The following LHFPL3 variants were observed in gnomAD, a reference collection of about 807,000 sequenced individuals.
LHFPL3 encodes LHFPL tetraspan subfamily member 3, also known as LHFPL tetraspan subfamily member 3 protein.
In LHFPL3, 5 loss-of-function variants were observed where a neutral mutation model predicts 19.3. That is an observed-to-expected ratio of 0.26 (90% confidence interval 0.14 to 0.54). LHFPL3 has a LOEUF of 0.54. Ranked by LOEUF, LHFPL3 falls within the 20% of genes least tolerant of loss-of-function variation. The pLI, the probability that LHFPL3 is intolerant of heterozygous loss-of-function variation, is 0.94. For synonymous variants in LHFPL3, 133 were observed against 126.2 expected, an observed-to-expected ratio of 1.05 and a Z score of -0.36; for missense variants, 249 against 307.4, an observed-to-expected ratio of 0.81 and a Z score of 1.42.
chr7:104,518,808 T>C (rs1332543362), intron 1 of LHFPL3, among the ~76,000 whole-genome samples: 1 of 144,850 alleles, frequency 6.9e-6, no homozygotes, highest in African/African-American at 2.8e-5. Flanking sequence ...GATAGATAGA[T>C]AGATAGATAG....
At chr7:104,603,399 C>T (rs1192395952) in intron 1 of LHFPL3, among the ~76,000 whole-genome samples, 4 of 152,014 alleles carry the variant, frequency 2.6e-5, no homozygotes, top group African/African-American at 9.7e-5. Context: ...CAGGGTCTCA[C>T]TGTGTTGCTC....
At chr7:104,768,134 T>C (rs1794490000) in intron 2 of LHFPL3, among the ~76,000 whole-genome samples, 1 of 73,446 alleles carries the variant, frequency 1.4e-5, no homozygotes, top group Non-Finnish European at 2.6e-5. Flanking sequence ...TTGTGATTAT[T>C]CTCGTGAAAA....
intron 1 of LHFPL3, among the ~76,000 whole-genome samples, chr7:104,515,610 T>C (rs1397773909): frequency 6.6e-6 from 1 of 152,190 alleles, no homozygotes; most frequent in Non-Finnish European, 1.5e-5. Context: ...AGTTGATTAA[T>C]AGAATGACTG....
chr7:104,607,901 C>T (rs1584435668), intron 1 of LHFPL3, among the ~76,000 whole-genome samples: 1 of 152,136 alleles, frequency 6.6e-6, no homozygotes, highest in African/African-American at 2.4e-5. Context: ...AAAAAATGCT[C>T]ATCATCACTA....
chr7:104,715,912 A>G (rs1280779343), intron 1 of LHFPL3, among the ~76,000 whole-genome samples: 3 of 152,218 alleles, frequency 2.0e-5, no homozygotes, highest in Non-Finnish European at 4.4e-5. Flanking sequence ...CTCATAAAAT[A>G]AGCCTGGAAG....
At chr7:104,692,737 A>T (rs547981881) in intron 1 of LHFPL3, among the ~76,000 whole-genome samples, 1 of 152,322 alleles carries the variant, frequency 6.6e-6, no homozygotes, top group South Asian at 2.1e-4. Context: ...GATGTATGAA[A>T]ATTCCTGGAT....
intron 2 of LHFPL3, among the ~76,000 whole-genome samples, chr7:104,883,667 G>C (rs958835906): frequency 2.0e-5 from 3 of 152,192 alleles, no homozygotes; most frequent in African/African-American, 7.2e-5. Context: ...CAGAAGCTGA[G>C]GGACGTAGCA....
chr7:104,741,141 T>C (rs1193806991), intron 2 of LHFPL3, among the ~76,000 whole-genome samples: 2 of 152,182 alleles, frequency 1.3e-5, no homozygotes, highest in African/African-American at 4.8e-5. Flanking sequence ...TACAGACTGC[T>C]TTTTCCTTGA....
rs190615223 is a variant in LHFPL3, at chr7:104,828,773, G to T, written c.683-77414G>T. The stretch of plus-strand genomic sequence containing the variant: ...ACAATGGCTGGATGCAGTGGCTCAC[G>T]CCTGTAACCCCAGCACTTTGGGAGG... On this transcript the variant is annotated intron_variant, in intron 2 of 2. Coordinates refer to ENST00000424859, the MANE Select transcript of LHFPL3 (RefSeq NM_199000.3). 1.8e-4 allele frequency among the ~76,000 whole-genome samples: 27 copies of T among 151,992 alleles called. No homozygotes were observed. The East Asian group carries it at 4.6e-3, about 26-fold the overall frequency.
At chr7:104,743,588 C>T (rs1318768590) in intron 2 of LHFPL3, among the ~76,000 whole-genome samples, 16 of 152,184 alleles carry the variant, frequency 1.1e-4, no homozygotes. Flanking sequence ...TCAATAATAT[C>T]TACATAGGCT....
At chr7:104,869,785 T>C (rs573253208) in intron 2 of LHFPL3, among the ~76,000 whole-genome samples, 5 of 152,190 alleles carry the variant, frequency 3.3e-5, no homozygotes, top group Admixed American at 6.5e-5. Flanking sequence ...TAAAGACACA[T>C]GCACACGTAT....
intron 1 of LHFPL3, among the ~76,000 whole-genome samples, chr7:104,571,215 C>T (rs765827121): frequency 6.6e-6 from 1 of 151,760 alleles, no homozygotes; most frequent in Non-Finnish European, 1.5e-5. Flanking sequence ...TACATGATGC[C>T]CTGAAGTATC....
chr7:104,607,183 C>A (rs1237863455), intron 1 of LHFPL3, among the ~76,000 whole-genome samples: 2 of 152,194 alleles, frequency 1.3e-5, no homozygotes, highest in Admixed American at 1.3e-4. Context: ...CTATTATCAT[C>A]CTTGCTTTGA....
chr7:104,786,322 G>T (rs1789912982), intron 2 of LHFPL3, among the ~76,000 whole-genome samples: 2 of 152,146 alleles, frequency 1.3e-5, no homozygotes, highest in South Asian at 4.1e-4. Context: ...TATCAAACTA[G>T]CATAATGGTC....
At position 104,381,490 on chromosome 7, in the gene LHFPL3, G is replaced by A. The variant is rs527875740; in HGVS notation, c.445+52266G>A. 1.6e-4 allele frequency among the ~76,000 whole-genome samples: 24 copies of A among 151,702 alleles called. No individual in the cohort carries two copies. In the South Asian group the frequency reaches 2.7e-3, roughly 17 times the overall value. ...CCTTTGCCCCATTTATTGTTTTGCC[G>A]TACATTCTCTTCAGATTCTTTCCTT... On this transcript the variant is annotated intron_variant, in intron 1 of 2. Coordinates refer to ENST00000424859, the MANE Select transcript of LHFPL3 (RefSeq NM_199000.3).
rs1239079565 is a variant in LHFPL3, at chr7:104,736,790, C to T, written c.561C>T (p.Arg187=). 6.2e-7 allele frequency: 1 copy of T among 1,613,628 alleles called. No homozygotes were observed. Among genetic ancestry groups the T allele is most frequent in the Admixed American group, 1.7e-5 (1 of 59,954 alleles). Residue 187 remains arginine, a synonymous_variant, in exon 2 of 3, where the codon CGC becomes CGT. Transcript: ENST00000424859. ...ACACTCTTGGGGCTTGCTCAGTCCG[C>T]TGGGCATACATCCTGGCTATTATTG... is the stretch of plus-strand genomic sequence containing the variant. ...DKYTLGACSV[R]WAYILAIIGI...
intron 1 of LHFPL3, among the ~76,000 whole-genome samples, chr7:104,426,194 A>G (rs1791840440): frequency 6.6e-6 from 1 of 152,096 alleles, no homozygotes; most frequent in Non-Finnish European, 1.5e-5. Context: ...GCTATTTCTT[A>G]GGTTGATAGG....
At chr7:104,374,202 CTA>C (rs1348579260) in intron 1 of LHFPL3, among the ~76,000 whole-genome samples, 25 of 49,376 alleles carry the variant, frequency 5.1e-4, no homozygotes, top group Non-Finnish European at 6.1e-4. Flanking sequence ...ATCTATCTAT[CTA>C]TATATGTGTG....
Position 104,495,174 on chromosome 7 carries a change from G to A in LHFPL3, c.445+165950G>A, listed in dbSNP as rs907399943. On this transcript the variant is annotated intron_variant, in intron 1 of 2. Coordinates refer to ENST00000424859, the MANE Select transcript of LHFPL3 (RefSeq NM_199000.3). The stretch of plus-strand genomic sequence containing the variant: ...CCCCTTCCCCTTCCAACCCCCACTA[G>A]CCAAACAGTCACTACCTTCTTTGGG... Among the ~76,000 whole-genome samples the A allele has an allele frequency of 1.4e-4, 22 of 152,112 alleles. No individual in the cohort carries two copies. The East Asian group carries it at 3.7e-3, about 25-fold the overall frequency.
Sources: allele counts gnomAD v4.1 joint callset (sites outside exome capture counted in the v4.1 genomes callset), GRCh38; gene constraint gnomAD v4.1.1; transcripts MANE v1.5; gene names NCBI Gene and HGNC (gene_info 2026-07-23, HGNC 2026-07-21).